ACVR1C: variants seen among roughly 807,000 people sequenced by gnomAD.
ACVR1C encodes activin receptor type-1C.
In ACVR1C, 23 loss-of-function variants were observed where a neutral mutation model predicts 57.9. The ratio of observed to expected loss-of-function variants is 0.40; its 90% CI spans 0.29 to 0.56. The LOEUF (loss-of-function observed/expected upper bound fraction) is 0.56, where lower values mean the gene tolerates loss of function less well. ACVR1C is among the 20% of genes least tolerant of loss of function. The pLI, the probability that ACVR1C is intolerant of heterozygous loss-of-function variation, is 0.50. For synonymous variants in ACVR1C, 214 were observed against 215.3 expected, an observed-to-expected ratio of 0.99 and a Z score of 0.05; for missense variants, 480 against 607.9, an observed-to-expected ratio of 0.79 and a Z score of 2.21.
At chr2:157,584,764 C>A (rs1256650165) in intron 2 of ACVR1C, among the ~76,000 whole-genome samples, 1 of 152,128 alleles carries the variant, frequency 6.6e-6, no homozygotes, top group Non-Finnish European at 1.5e-5. Flanking sequence ...AAGCACGTAT[C>A]CAAAGACTTG....
At chr2:157,574,390 C>T (rs763090358) in intron 2 of ACVR1C, among the ~76,000 whole-genome samples, 6 of 152,174 alleles carry the variant, frequency 3.9e-5, no homozygotes, top group Non-Finnish European at 8.8e-5. Context: ...GAGGGCTCCA[C>T]CCTCCTGACC....
chr2:157,578,514 T>G (rs760815372), intron 2 of ACVR1C, among the ~76,000 whole-genome samples: 2 of 152,194 alleles, frequency 1.3e-5, no homozygotes, highest in Non-Finnish European at 2.9e-5. Flanking sequence ...TTAGAATTAG[T>G]CACATATTCT....
chr2:157,538,780 G>T, intron 7 of ACVR1C, 77 bp from the exon 8 acceptor site: 1 of 1,262,176 alleles, frequency 7.9e-7, no homozygotes, highest in Non-Finnish European at 1.0e-6. Context: ...TACCAATTAA[G>T]TTTTCTAGGC....
At chr2:157,586,716 G>A (rs1246845552) in intron 2 of ACVR1C, among the ~76,000 whole-genome samples, 3 of 152,110 alleles carry the variant, frequency 2.0e-5, no homozygotes, top group Admixed American at 6.6e-5. Flanking sequence ...ACTTGAATGT[G>A]GGTAGATAAA....
At chr2:157,560,997 AG>A (rs1454242995) in intron 2 of ACVR1C, among the ~76,000 whole-genome samples, 4 of 152,234 alleles carry the variant, frequency 2.6e-5, no homozygotes, top group African/African-American at 9.6e-5. Flanking sequence ...ATTACAATGG[AG>A]TGACATATTA....
At chr2:157,607,860 G>T (rs1490677042) in intron 1 of ACVR1C, among the ~76,000 whole-genome samples, 1 of 151,590 alleles carries the variant, frequency 6.6e-6, no homozygotes, top group Non-Finnish European at 1.5e-5. Flanking sequence ...TTTGGTGGAG[G>T]CTTTTGATTT....
At chr2:157,536,236 G>GA (rs1687484324) in intron 8 of ACVR1C, among the ~76,000 whole-genome samples, 1 of 152,100 alleles carries the variant, frequency 6.6e-6, no homozygotes, top group African/African-American at 2.4e-5. Context: ...AACAATGAGA[G>GA]AAAAAACTAT....
At chr2:157,537,694 A>G (rs1052766327) in intron 8 of ACVR1C, among the ~76,000 whole-genome samples, 1 of 152,196 alleles carries the variant, frequency 6.6e-6, no homozygotes, top group East Asian at 1.9e-4. Context: ...AATATGGCAA[A>G]AAAAATAGAC....
intron 1 of ACVR1C, among the ~76,000 whole-genome samples, chr2:157,601,915 G>GA (rs948212497): frequency 5.3e-5 from 8 of 151,824 alleles, no homozygotes; most frequent in Admixed American, 2.0e-4. Context: ...AAAAGAAAAA[G>GA]AAAAAAAAGA....
chr2:157,603,527 G>A (rs1682326953), intron 1 of ACVR1C, among the ~76,000 whole-genome samples: 1 of 152,088 alleles, frequency 6.6e-6, no homozygotes, highest in African/African-American at 2.4e-5. Flanking sequence ...AGGAGCCCAA[G>A]TAGCCCATAA....
rs754527953 is a variant in ACVR1C at position 157,556,251 on chromosome 2, G to T, written c.386C>A (p.Ala129Glu). The T allele has an allele frequency of 6.2e-7, 1 of 1,614,080 alleles. No homozygotes were observed. The highest frequency in any genetic ancestry group is 8.5e-7 in the Non-Finnish European group (1 of 1,180,022). ...TVPVCLLSIA[A>E]MLTVWACQGR... is the part of the protein sequence containing the mutation. ...CTGGCATGCCCATACTGTCAGCATCGCAGCTATGGACAGGAGGCAAACAGG... is the reference window on the plus strand; with the variant it reads ...CTGGCATGCCCATACTGTCAGCATCTCAGCTATGGACAGGAGGCAAACAGG... Residue 129 changes from alanine to glutamate, a missense_variant, in exon 3 of 9, where the codon GCG becomes GAG. Transcript: ENST00000243349.
chr2:157,617,494 G>T (rs1465116871), intron 1 of ACVR1C, among the ~76,000 whole-genome samples: 1 of 152,034 alleles, frequency 6.6e-6, no homozygotes, highest in African/African-American at 2.4e-5. Context: ...GTACCGCATT[G>T]AGGAATAACT....
chr2:157,550,047 A>T, intron 4 of ACVR1C, 115 bp downstream of exon 4: 22 of 780,372 alleles, frequency 2.8e-5, no homozygotes, highest in Non-Finnish European at 4.1e-5. Flanking sequence ...AAAAAAAAAA[A>T]GAAGAGGTGA....
intron 2 of ACVR1C, among the ~76,000 whole-genome samples, chr2:157,561,581 A>G (rs936311542): frequency 2.6e-5 from 4 of 152,238 alleles, no homozygotes; most frequent in Admixed American, 2.0e-4. Context: ...TGTACAGCTG[A>G]AATAGAAGAG....
intron 3 of ACVR1C, 45 bp downstream of exon 3, chr2:157,556,048 T>A (rs1344997044): frequency 6.4e-7 from 1 of 1,568,698 alleles, no homozygotes; most frequent in Admixed American, 1.9e-5. Context: ...TACTTTTAAA[T>A]AAAAGTGTTT....
chr2:157,558,687 T>G (rs2105227533), intron 2 of ACVR1C, among the ~76,000 whole-genome samples: 1 of 152,336 alleles, frequency 6.6e-6, no homozygotes, highest in South Asian at 2.1e-4. Context: ...GTTATACAGG[T>G]GCATATGAGG....
intron 1 of ACVR1C, among the ~76,000 whole-genome samples, chr2:157,588,748 G>A (rs1688986818): frequency 6.7e-6 from 1 of 150,112 alleles, no homozygotes; most frequent in Non-Finnish European, 1.5e-5. Context: ...AGTTCCATCA[G>A]AAGTCGCTGC....
intron 1 of ACVR1C, among the ~76,000 whole-genome samples, chr2:157,610,911 A>C (rs954285170): frequency 1.1e-4 from 17 of 152,036 alleles, no homozygotes; most frequent in Non-Finnish European, 2.5e-4. Flanking sequence ...TAAATTTCTC[A>C]TTCATGTCCT....
intron 2 of ACVR1C, among the ~76,000 whole-genome samples, chr2:157,575,537 A>G (rs1037611062): frequency 2.6e-4 from 40 of 152,172 alleles, no homozygotes; most frequent in Non-Finnish European, 2.8e-4. Context: ...CCAAAGTGCT[A>G]GGATTACAGG....
Sources: allele counts gnomAD v4.1 joint callset (sites outside exome capture counted in the v4.1 genomes callset), GRCh38; gene constraint gnomAD v4.1.1; transcripts MANE v1.5; gene names NCBI Gene and HGNC (gene_info 2026-07-23, HGNC 2026-07-21).